NLGN1: variants seen among roughly 807,000 people sequenced by gnomAD.
The protein encoded by NLGN1 is neuroligin 1, also known as neuroligin-1.
Under a neutral mutation model 65.5 loss-of-function variants are expected in NLGN1, and 12 were observed. That is an observed-to-expected ratio of 0.18 (90% CI 0.12 to 0.30). The LOEUF (loss-of-function observed/expected upper bound fraction) is 0.30, where lower values mean the gene tolerates loss of function less well. NLGN1 is among the 10% of genes least tolerant of loss of function. The pLI is 1.00. For missense variants in NLGN1, 750 were observed against 1,007.1 expected, an observed-to-expected ratio of 0.74 and a Z score of 3.46; for synonymous variants, 350 against 359.5, an observed-to-expected ratio of 0.97 and a Z score of 0.30.
In NLGN1 at chr3:173,430,892, A is replaced by C. The variant is rs548328942; in HGVS notation, c.-389-4118A>C. Reference sequence around the variant, plus strand: ...GATGCTGATACCATGCTTCTTGTACAGCCTGGAGAACTGTGAGCCAAATAT... The same window carrying C: ...GATGCTGATACCATGCTTCTTGTACCGCCTGGAGAACTGTGAGCCAAATAT... On this transcript the variant is annotated intron_variant, in intron 1 of 6. Coordinates refer to ENST00000457714, the Ensembl canonical transcript of NLGN1. Among the ~76,000 whole-genome samples the C allele has an allele frequency of 7.9e-5, 12 of 152,348 alleles. 1 individual carries two copies. In the South Asian group the frequency reaches 2.3e-3, roughly 29 times the overall value.
intron 1 of NLGN1, among the ~76,000 whole-genome samples, chr3:173,422,095 A>AT (rs1387612902): frequency 7.2e-5 from 11 of 151,956 alleles, no homozygotes; most frequent in African/African-American, 2.2e-4. Context: ...ATGTGTGTAT[A>AT]TATATGTGAT....
At position 174,194,868 on chromosome 3, in the gene NLGN1, TC is replaced by T. The variant is rs199905508; in HGVS notation, c.647-80446del. On this transcript the variant is annotated intron_variant, in intron 4 of 6. Transcript: ENST00000457714. ...AGATTTTTTTTTCTTTTTTCTTTTT[TC>T]TTTTTTTTTGAGATGGAGTTTCATT... 3.5e-4 allele frequency among the ~76,000 whole-genome samples: 52 copies of T among 147,360 alleles called. 5 individuals carry two copies. The highest frequency in any genetic ancestry group is 6.2e-4 in the African/African-American group (25 of 40,548).
intron 4 of NLGN1, among the ~76,000 whole-genome samples, chr3:174,270,180 GTTTAT>G (rs1187575806): frequency 4.5e-5 from 2 of 44,372 alleles, no homozygotes; most frequent in Non-Finnish European, 8.8e-5. Flanking sequence ...AGTCTTATTT[GTTTAT>G]TTTTTTTTTT....
chr3:173,815,146 G>T (rs1361631082), intron 4 of NLGN1, among the ~76,000 whole-genome samples: 3 of 142,260 alleles, frequency 2.1e-5, no homozygotes, highest in Non-Finnish European at 4.5e-5. Context: ...TTTTAAGATG[G>T]AGTCTCCCTC....
intron 4 of NLGN1, among the ~76,000 whole-genome samples, chr3:174,035,504 T>C (rs2152480944): frequency 6.6e-6 from 1 of 152,314 alleles, no homozygotes; most frequent in East Asian, 1.9e-4. Context: ...CGATCTCACA[T>C]GTAATCCTGG....
At chr3:174,151,985 G>A (rs725801) in intron 4 of NLGN1, among the ~76,000 whole-genome samples, 55,507 of 151,664 alleles carry the variant, frequency 0.37, 11,841 homozygotes, top group African/African-American at 0.59. Flanking sequence ...AAAAATAACT[G>A]TTAGAGAAAG....
chr3:174,145,187 A>G (rs1722981211), intron 4 of NLGN1, among the ~76,000 whole-genome samples: 1 of 152,102 alleles, frequency 6.6e-6, no homozygotes, highest in African/African-American at 2.4e-5. Flanking sequence ...TGTTTTTGTT[A>G]CCTATTTTGT....
intron 2 of NLGN1, among the ~76,000 whole-genome samples, chr3:173,534,013 G>A (rs537674668): frequency 5.3e-4 from 81 of 152,138 alleles, no homozygotes; most frequent in African/African-American, 1.8e-3. Flanking sequence ...TGGAACATGG[G>A]CTTTTTAGCC....
rs144321858 is a variant in NLGN1, at chr3:174,027,499, A to C, written c.646+219667A>C. Among the ~76,000 whole-genome samples the C allele has an allele frequency of 2.8e-4, 43 of 152,314 alleles. No homozygotes were observed. In the East Asian group the frequency reaches 8.1e-3, roughly 29 times the overall value. Reference sequence around the variant, plus strand: ...ATCTCTTTGGTGCCAGATGTATTTCAGAATTCCAAATTTTTCAGGTTTTAG... The same window carrying C: ...ATCTCTTTGGTGCCAGATGTATTTCCGAATTCCAAATTTTTCAGGTTTTAG... On this transcript the variant is annotated intron_variant, in intron 4 of 6. Transcript: ENST00000457714.
chr3:173,754,024 C>CTTTTTTTTTTTTTTTTTTTTTTTTTT (rs71162358), intron 3 of NLGN1, among the ~76,000 whole-genome samples: 11 of 121,612 alleles, frequency 9.0e-5, no homozygotes, highest in Admixed American at 1.8e-4. Flanking sequence ...TCTTTCTTTT[C>CTTTTTTTTTTTTTTTTTTTTTTTTTT]TTTTTTTTTT....
intron 3 of NLGN1, among the ~76,000 whole-genome samples, chr3:173,706,067 T>C (rs1442648938): frequency 2.6e-5 from 4 of 152,168 alleles, no homozygotes; most frequent in African/African-American, 9.7e-5. Flanking sequence ...AAAAGAGAAA[T>C]AATTTTCGTG....
At chr3:173,584,399 A>ATCTTTTTTTTTT (rs1746940396) in intron 2 of NLGN1, among the ~76,000 whole-genome samples, 1 of 30,798 alleles carries the variant, frequency 3.2e-5, no homozygotes, top group East Asian at 1.4e-3. Context: ...GGTCCTCGGC[A>ATCTTTTTTTTTT]TTTTTTTTTT....
chr3:174,165,879 CTCAATATTGGTCT>C (rs1727392722), intron 4 of NLGN1, among the ~76,000 whole-genome samples: 1 of 152,000 alleles, frequency 6.6e-6, no homozygotes, highest in Admixed American at 6.6e-5. Flanking sequence ...TATTTCAGAG[CTCAATATTGGTCT>C]GTTCAGTGTT....
At chr3:173,735,349 T>C (rs1235654770) in intron 3 of NLGN1, among the ~76,000 whole-genome samples, 1 of 152,138 alleles carries the variant, frequency 6.6e-6, no homozygotes, top group Non-Finnish European at 1.5e-5. Context: ...GAAACACTTT[T>C]ATTTTTTCCC....
intron 1 of NLGN1, among the ~76,000 whole-genome samples, chr3:173,427,421 T>C (rs1005333597): frequency 6.6e-6 from 1 of 151,958 alleles, no homozygotes; most frequent in African/African-American, 2.4e-5. Context: ...TTAGAAGTCT[T>C]TTTTCTTTTT....
intron 4 of NLGN1, among the ~76,000 whole-genome samples, chr3:173,865,118 G>A (rs1021110022): frequency 4.6e-5 from 7 of 152,168 alleles, no homozygotes; most frequent in African/African-American, 1.4e-4. Flanking sequence ...ATTTGTCAAA[G>A]TGAATGCTAC....
chr3:173,931,127 C>T (rs560272694), intron 4 of NLGN1, among the ~76,000 whole-genome samples: 20 of 152,174 alleles, frequency 1.3e-4, no homozygotes, highest in Non-Finnish European at 2.5e-4. Flanking sequence ...TTCATTGCTT[C>T]TATTAGAAAC....
At chr3:173,586,743 A>G (rs1183549841) in intron 2 of NLGN1, among the ~76,000 whole-genome samples, 1 of 151,740 alleles carries the variant, frequency 6.6e-6, no homozygotes. Context: ...CTATAACCCA[A>G]TTGTTAGTTT....
At chr3:174,140,098 T>C (rs2152687306) in intron 4 of NLGN1, among the ~76,000 whole-genome samples, 1 of 152,286 alleles carries the variant, frequency 6.6e-6, no homozygotes, top group East Asian at 1.9e-4. Flanking sequence ...TTAGCTGTAC[T>C]TTTAGGGGGA....
Sources: allele counts gnomAD v4.1 joint callset (sites outside exome capture counted in the v4.1 genomes callset), GRCh38; gene constraint gnomAD v4.1.1; transcripts MANE v1.5; gene names NCBI Gene and HGNC (gene_info 2026-07-23, HGNC 2026-07-21).